The following SOX5 variants were observed in gnomAD, a reference collection of about 807,000 sequenced individuals.
SOX5 encodes transcription factor SOX-5.
In SOX5, 9 loss-of-function variants were observed where a neutral mutation model predicts 92.0. The ratio of observed to expected loss-of-function variants is 0.10; its 90% CI spans 0.06 to 0.17. The LOEUF (loss-of-function observed/expected upper bound fraction) is 0.17, where lower values mean the gene tolerates loss of function less well. SOX5 is among the 10% of genes least tolerant of loss of function. The probability of loss-of-function intolerance (pLI) is 1.00; values close to 1 mark genes in which losing one functional copy is unlikely to be tolerated. For missense variants in SOX5, 642 were observed against 944.5 expected (o/e 0.68, Z 4.20); for synonymous variants, 344 against 336.3 (o/e 1.02, Z -0.25).
At chr12:24,362,866 G>GAA (rs35979193) in intron 2 of SOX5, among the ~76,000 whole-genome samples, 4,958 of 102,066 alleles carry the variant, frequency 0.049, 136 homozygotes, top group South Asian at 0.078. Context: ...AAACCACAGT[G>GAA]AAAAAAAAAA....
At chr12:24,444,901 G>C (rs1360716356) in intron 1 of SOX5, among the ~76,000 whole-genome samples, 1 of 152,050 alleles carries the variant, frequency 6.6e-6, no homozygotes. Flanking sequence ...TTGTTCCCTA[G>C]GGCACAACAC....
chr12:24,430,938 T>G (rs138972214), intron 1 of SOX5, among the ~76,000 whole-genome samples: 6 of 152,212 alleles, frequency 3.9e-5, no homozygotes, highest in African/African-American at 1.4e-4. Flanking sequence ...GTCTCTTTAT[T>G]CTTGAAAATT....
intron 1 of SOX5, among the ~76,000 whole-genome samples, chr12:24,511,175 C>A (rs1949270513): frequency 6.6e-6 from 1 of 152,154 alleles, no homozygotes; most frequent in Non-Finnish European, 1.5e-5. Context: ...CCTTTAGACC[C>A]CTCTCCCTTG....
intron 4 of SOX5, among the ~76,000 whole-genome samples, chr12:23,989,350 C>T (rs1006754576): frequency 6.6e-6 from 1 of 151,974 alleles, no homozygotes; most frequent in Non-Finnish European, 1.5e-5. Flanking sequence ...TGAGATTGTG[C>T]CACTGCAAAG....
At chr12:23,696,166 T>G (rs1200915974) in intron 6 of SOX5, among the ~76,000 whole-genome samples, 2 of 152,042 alleles carry the variant, frequency 1.3e-5, no homozygotes, top group African/African-American at 4.8e-5. Flanking sequence ...TAGTATTCAT[T>G]CTTCTTCTAC....
Position 24,424,491 on chromosome 12 carries a change from T to TC in SOX5, c.-250-55853dup, listed in dbSNP as rs556750240. 1.8e-3 allele frequency among the ~76,000 whole-genome samples: 275 copies of TC among 152,226 alleles called. 1 individual carries two copies. The highest frequency in any genetic ancestry group is 6.3e-3 in the African/African-American group (263 of 41,524). ...ATACTAGTGTTTAAACAAGCACTTTTCCCCCGCAGGCTGCTATGAGAACAA... is the reference window on the plus strand; with the variant it reads ...ATACTAGTGTTTAAACAAGCACTTTTCCCCCCGCAGGCTGCTATGAGAACAA... On this transcript the variant is annotated intron_variant, in intron 1 of 4. Transcript: ENST00000446891.
At chr12:24,409,617 C>T (rs1042866042) in intron 1 of SOX5, among the ~76,000 whole-genome samples, 5 of 152,084 alleles carry the variant, frequency 3.3e-5, no homozygotes, top group Non-Finnish European at 2.9e-5. Context: ...TTTCCTCCCC[C>T]AAATCTACCT....
intron 1 of SOX5, among the ~76,000 whole-genome samples, chr12:24,556,391 A>ATGGT (rs756896004): frequency 2.8e-4 from 42 of 152,238 alleles, no homozygotes; most frequent in Admixed American, 5.9e-4. Context: ...AAATCAGGCA[A>ATGGT]TGGTATGTTT....
intron 4 of SOX5, among the ~76,000 whole-genome samples, chr12:24,086,221 C>T (rs1383002960): frequency 2.0e-5 from 3 of 151,576 alleles, no homozygotes; most frequent in African/African-American, 7.3e-5. Flanking sequence ...TCAAAATATA[C>T]TCTTAGTTAA....
intron 2 of SOX5, among the ~76,000 whole-genome samples, chr12:23,885,182 G>A (rs2097050180): frequency 6.6e-6 from 1 of 152,192 alleles, no homozygotes; most frequent in South Asian, 2.1e-4. Flanking sequence ...GAAAGGTCTA[G>A]TAGTGGCTGG....
chr12:23,889,561 C>T (rs1176572928), intron 2 of SOX5, among the ~76,000 whole-genome samples: 1 of 152,132 alleles, frequency 6.6e-6, no homozygotes, highest in Non-Finnish European at 1.5e-5. Flanking sequence ...GACAGTGAGC[C>T]TGAGCAAGTA....
At chr12:23,812,369 T>C (rs2095890965) in intron 3 of SOX5, among the ~76,000 whole-genome samples, 1 of 152,164 alleles carries the variant, frequency 6.6e-6, no homozygotes, top group Admixed American at 6.5e-5. Context: ...AAAAGTGTGA[T>C]GACACATTTT....
intron 2 of SOX5, among the ~76,000 whole-genome samples, chr12:24,366,212 T>C (rs559031200): frequency 1.3e-5 from 2 of 152,274 alleles, no homozygotes; most frequent in South Asian, 4.1e-4. Flanking sequence ...CAATCCATTC[T>C]TTCTTTGCTA....
At chr12:24,041,358 A>G (rs1463663422) in intron 4 of SOX5, among the ~76,000 whole-genome samples, 2 of 152,168 alleles carry the variant, frequency 1.3e-5, no homozygotes, top group Non-Finnish European at 2.9e-5. Flanking sequence ...TAAGCTTCAT[A>G]TTACTTACTA....
At chr12:24,369,980 TCACA>T (rs1305908694) in intron 1 of SOX5, among the ~76,000 whole-genome samples, 2 of 152,234 alleles carry the variant, frequency 1.3e-5, no homozygotes, top group Non-Finnish European at 2.9e-5. Flanking sequence ...TTATTTTTTC[TCACA>T]CAAACAGTAA....
At chr12:23,608,969 A>T (rs778425869) in intron 8 of SOX5, among the ~76,000 whole-genome samples, 2 of 152,190 alleles carry the variant, frequency 1.3e-5, no homozygotes, top group Non-Finnish European at 2.9e-5. Flanking sequence ...ATGAGACTAT[A>T]AGTATACTGT....
rs182446787 is a variant in SOX5 at position 24,455,841 on chromosome 12, C to T, written c.-250-87202G>A. On this transcript the variant is annotated intron_variant, in intron 1 of 4. Coordinates refer to the SOX5 transcript ENST00000446891. ...CTGATCACTCCCAAGCGATTCTTCC[C>T]CAGAACTGCCCACAGTAGAATGACT... 2.7e-3 allele frequency among the ~76,000 whole-genome samples: 415 copies of T among 152,220 alleles called. 1 individual carries two copies. The highest frequency in any genetic ancestry group is 0.027 in the Middle Eastern group (8 of 294).
chr12:23,798,998 G>A (rs1268447001), intron 3 of SOX5, among the ~76,000 whole-genome samples: 1 of 151,890 alleles, frequency 6.6e-6, no homozygotes, highest in Non-Finnish European at 1.5e-5. Context: ...CATGAAAATT[G>A]TCATCGTACT....
chr12:23,935,813 T>C, intron 1 of SOX5, among the ~76,000 whole-genome samples: 1 of 151,134 alleles, frequency 6.6e-6, no homozygotes, highest in African/African-American at 2.4e-5. Flanking sequence ...AATGTAGTTG[T>C]TGAATAAATA....
Sources: gnomAD v4.1 joint callset for allele counts (sites outside exome capture counted in the v4.1 genomes callset) on GRCh38, gnomAD v4.1.1 for gene constraint, MANE v1.5 for transcripts, NCBI Gene and HGNC (gene_info 2026-07-23, HGNC 2026-07-21) for gene names.